Variants in AKAP13 observed in about 807,000 individuals in gnomAD.
AKAP13 encodes the protein A-kinase anchor protein 13.
AKAP13 carries 80 observed loss-of-function variants against 264.5 expected under a neutral mutation model. The ratio of observed to expected loss-of-function variants is 0.30; its 90% confidence interval spans 0.25 to 0.36. The LOEUF (loss-of-function observed/expected upper bound fraction) is 0.36, where lower values mean the gene tolerates loss of function less well. AKAP13 is among the 10% of genes least tolerant of loss of function. AKAP13 has a pLI of 1.00. For missense variants in AKAP13, 3,712 were observed against 3,435.2 expected, an observed-to-expected ratio of 1.08 and a Z score of -2.01; for synonymous variants, 1,380 against 1,250.2, an observed-to-expected ratio of 1.10 and a Z score of -2.19.
intron 13 of AKAP13, among the ~76,000 whole-genome samples, 179 bp downstream of exon 13, chr15:85,664,934 C>T (rs2083507812): frequency 1.3e-5 from 2 of 152,246 alleles, no homozygotes; most frequent in East Asian, 3.9e-4. Context: ...GGCATGGTGG[C>T]TCATGCCTAT....
Position 85,581,337 on chromosome 15 carries a change from A to C in AKAP13, c.3269A>C (p.Asp1090Ala). 1 of 1,614,182 alleles carries C rather than the reference A, an allele frequency of 6.2e-7. No individual in the cohort carries two copies. The highest frequency in any genetic ancestry group is 2.2e-5 in the East Asian group (1 of 44,880). Residue 1090 changes from aspartate (D) to alanine (A), a missense_variant, in exon 7 of 37, where the codon GAT becomes GCT. Physicochemically the swap from Asp to Ala is moderately radical, Grantham distance 126. Around this residue, in one of 3 missense-constraint regions of AKAP13, gnomAD observed 2,759 missense variants for 2,411.7 expected, o/e 1.14. Coordinates refer to ENST00000394518, the MANE Select transcript of AKAP13 (RefSeq NM_007200.5). ...GAGGTGAGTGGAGATGTGACGGTGG[A>C]TGTTACAGGGGTTAATGCTCTACAA... Reference protein sequence around the residue: ...ACEVSGDVTVDVTGVNALQGM... With the variant: ...ACEVSGDVTVAVTGVNALQGM...
At chr15:85,730,075 G>A (rs1200210344) in intron 29 of AKAP13, among the ~76,000 whole-genome samples, 1 of 152,204 alleles carries the variant, frequency 6.6e-6, no homozygotes. Flanking sequence ...GGTAGGAAGA[G>A]AACTGGTGTC....
intron 8 of AKAP13, among the ~76,000 whole-genome samples, chr15:85,630,222 A>G (rs1190680580): frequency 1.2e-5 from 1 of 81,356 alleles, no homozygotes; most frequent in Non-Finnish European, 2.8e-5. Flanking sequence ...ATGAACTAAG[A>G]TGGAAAATTG....
chr15:85,492,419 A>T (rs1344507495), intron 2 of AKAP13, among the ~76,000 whole-genome samples: 1 of 152,258 alleles, frequency 6.6e-6, no homozygotes, highest in African/African-American at 2.4e-5. Context: ...CAGAGAAGTT[A>T]CAAGAAGAAT....
chr15:85,473,491 G>A (rs2075041206), intron 1 of AKAP13, among the ~76,000 whole-genome samples: 1 of 152,210 alleles, frequency 6.6e-6, no homozygotes, highest in South Asian at 2.1e-4. Context: ...TTGGCTTTCT[G>A]ATTCTCCACA....
intron 1 of AKAP13, among the ~76,000 whole-genome samples, chr15:85,440,203 A>G (rs1037660528): frequency 2.6e-5 from 4 of 152,152 alleles, no homozygotes; most frequent in South Asian, 2.1e-4. Flanking sequence ...AGCACACACA[A>G]TGGTCATCTC....
intron 2 of AKAP13, among the ~76,000 whole-genome samples, chr15:85,498,545 C>G (rs892551746): frequency 2.0e-5 from 3 of 152,014 alleles, no homozygotes; most frequent in Non-Finnish European, 4.4e-5. Context: ...CATTTCATCT[C>G]TGCACGTGAG....
At chr15:85,487,334 C>T (rs1012582001) in intron 2 of AKAP13, among the ~76,000 whole-genome samples, 1 of 152,158 alleles carries the variant, frequency 6.6e-6, no homozygotes, top group African/African-American at 2.4e-5. Flanking sequence ...CTTGTCTTTT[C>T]CTGATCTTAA....
intron 19 of AKAP13, among the ~76,000 whole-genome samples, chr15:85,711,698 A>G (rs1470224681): frequency 6.6e-6 from 1 of 152,206 alleles, no homozygotes; most frequent in African/African-American, 2.4e-5. Context: ...GCTCCATGGG[A>G]GCCTCTGTGA....
intron 10 of AKAP13, among the ~76,000 whole-genome samples, chr15:85,647,134 C>A (rs1235787345): frequency 1.3e-5 from 2 of 152,178 alleles, no homozygotes; most frequent in African/African-American, 4.8e-5. Context: ...TGTGGTGGCT[C>A]ATGCATGTAA....
chr15:85,466,301 G>T (rs2074739507), intron 1 of AKAP13, among the ~76,000 whole-genome samples: 1 of 151,964 alleles, frequency 6.6e-6, no homozygotes, highest in Non-Finnish European at 1.5e-5. Flanking sequence ...CATTTTGTAG[G>T]TTGCCTGTTC....
chr15:85,409,713 C>T (rs1311596331), intron 1 of AKAP13, among the ~76,000 whole-genome samples: 3 of 149,480 alleles, frequency 2.0e-5, no homozygotes, highest in African/African-American at 7.5e-5. Context: ...TCACTGCAAG[C>T]TCCGCCTCCT....
rs1006133004 is a variant in AKAP13, at chr15:85,735,024, C to T, written c.7315C>T (p.Leu2439=). 3.1e-6 allele frequency: 5 copies of T among 1,614,004 alleles called. No individual in the cohort carries two copies. The African/African-American group carries it at 6.7e-5, about 22-fold the overall frequency. ...CCTTCAGGGTTTGGTGAGTGGAAAT[C>T]TGGGAGGCACACTTGGGCCGACTGT... ...EILQGLVSGN[L]GGTLGPTVSS... Residue 2439 remains leucine, a synonymous_variant, in exon 31 of 37, where the codon CTG becomes TTG. Transcript: ENST00000394518.
chr15:85,574,236 G>A (rs2078931468), intron 5 of AKAP13, among the ~76,000 whole-genome samples: 1 of 152,182 alleles, frequency 6.6e-6, no homozygotes, highest in South Asian at 2.1e-4. Context: ...GAGATTGTGT[G>A]GGGTATGATT....
At chr15:85,732,452 TATAAC>T (rs1327653400) in intron 30 of AKAP13, among the ~76,000 whole-genome samples, 1 of 110,222 alleles carries the variant, frequency 9.1e-6, no homozygotes, top group Admixed American at 9.9e-5. Context: ...ATATATATTA[TATAAC>T]ATAATATAAC....
intron 1 of AKAP13, among the ~76,000 whole-genome samples, chr15:85,455,177 C>G (rs147841442): frequency 1.3e-5 from 2 of 152,074 alleles, no homozygotes; most frequent in Non-Finnish European, 2.9e-5. Context: ...TATTAATGTT[C>G]TTAGTGAACC....
chr15:85,401,271 A>G (rs940223081), intron 1 of AKAP13, among the ~76,000 whole-genome samples: 2 of 150,020 alleles, frequency 1.3e-5, no homozygotes, highest in African/African-American at 2.5e-5. Context: ...TCTTGAAACC[A>G]CCCAGTTTTT....
At chr15:85,541,179 A>G (rs967847460) in intron 4 of AKAP13, among the ~76,000 whole-genome samples, 2 of 152,216 alleles carry the variant, frequency 1.3e-5, no homozygotes, top group African/African-American at 2.4e-5. Context: ...ATTTCATTGT[A>G]TATAAATCAC....
chr15:85,619,035 T>C (rs2081058366), intron 8 of AKAP13, among the ~76,000 whole-genome samples: 1 of 152,144 alleles, frequency 6.6e-6, no homozygotes, highest in African/African-American at 2.4e-5. Flanking sequence ...GACAAGTCCA[T>C]TGTACACGCT....
Sources: gnomAD v4.1 joint callset for allele counts (sites outside exome capture counted in the v4.1 genomes callset) on GRCh38, gnomAD v4.1.1 for gene constraint, gnomAD v4.1.1 regional missense constraint, MANE v1.5 for transcripts, NCBI Gene and HGNC (gene_info 2026-07-23, HGNC 2026-07-21) for gene names.